The following PAMR1 variants were observed in gnomAD, a reference collection of about 807,000 sequenced individuals.
PAMR1 encodes inactive serine protease PAMR1.
Under a neutral mutation model 81.8 loss-of-function variants are expected in PAMR1, and 88 were observed. That is an observed-to-expected ratio of 1.08 (90% CI 0.91 to 1.28). The LOEUF is 1.28. Among genes scored for constraint, PAMR1 ranks in the 50% most tolerant of loss-of-function variants. The pLI is 0.00. For synonymous variants in PAMR1, 336 were observed against 345.3 expected (o/e 0.97, Z 0.30); for missense variants, 935 against 919.7 (o/e 1.02, Z -0.21).
chr11:35,474,360 A>G (rs1042846101), intron 4 of PAMR1, among the ~76,000 whole-genome samples: 1 of 152,208 alleles, frequency 6.6e-6, no homozygotes, highest in African/African-American at 2.4e-5. Flanking sequence ...ACTGTTTAAG[A>G]TTTGCGGATG....
At chr11:35,463,986 C>T (rs1286225110) in intron 6 of PAMR1, among the ~76,000 whole-genome samples, 6 of 152,178 alleles carry the variant, frequency 3.9e-5, no homozygotes, top group Non-Finnish European at 8.8e-5. Context: ...ATGCAGGTCC[C>T]AAGTCTTATT....
chr11:35,436,174 G>T, intron 8 of PAMR1, 39 bp from the exon 9 acceptor site: 3 of 1,370,552 alleles, frequency 2.2e-6, no homozygotes, highest in South Asian at 1.2e-5. Context: ...AGAGCAGGGT[G>T]AGAGAAAGTC....
intron 5 of PAMR1, among the ~76,000 whole-genome samples, chr11:35,469,910 G>A (rs986720502): frequency 6.6e-6 from 1 of 151,998 alleles, no homozygotes; most frequent in South Asian, 2.1e-4. Context: ...TAAGCATTTT[G>A]TTCAGTTTGG....
chr11:35,491,434 T>G (rs1310164175), intron 3 of PAMR1, among the ~76,000 whole-genome samples: 2 of 152,194 alleles, frequency 1.3e-5, no homozygotes, highest in Non-Finnish European at 2.9e-5. Flanking sequence ...GTACATTGCT[T>G]GAGATACAGA....
chr11:35,490,935 G>C (rs796332839), intron 3 of PAMR1, among the ~76,000 whole-genome samples: 1 of 152,162 alleles, frequency 6.6e-6, no homozygotes, highest in South Asian at 2.1e-4. Context: ...TTTCATTCTA[G>C]AGCTTGTATT....
At chr11:35,458,568 G>A (rs532396857) in intron 6 of PAMR1, among the ~76,000 whole-genome samples, 1 of 152,280 alleles carries the variant, frequency 6.6e-6, no homozygotes, top group Non-Finnish European at 1.5e-5. Context: ...AAGATTATCT[G>A]AGAGTTCCAG....
At position 35,474,649 on chromosome 11, in the gene PAMR1, C is replaced by T. The variant is rs957317013; in HGVS notation, c.475G>A (p.Gly159Arg). ...HCEWTIHAKPGFVIQLRFVML... is the reference protein window; with the variant it reads ...HCEWTIHAKPRFVIQLRFVML... ...CCTTACCTTAGTTGGATGACAAACC[C>T]AGGTTTAGCATGAATGGTCCATTCA... is the stretch of plus-strand genomic sequence containing the variant. The change falls in exon 4 of 11, where the codon GGG (glycine) becomes AGG (arginine). Residue 159 changes from glycine (G) to arginine (R), a missense_variant. Coordinates refer to ENST00000619888, the MANE Select transcript of PAMR1 (RefSeq NM_001001991.3). 3 of 1,600,154 alleles carry T rather than the reference C, an allele frequency of 1.9e-6. No individual in the cohort carries two copies. Among genetic ancestry groups the T allele is most frequent in the African/African-American group, 1.3e-5 (1 of 74,140 alleles).
chr11:35,479,149 G>T (rs1184529510), intron 3 of PAMR1, among the ~76,000 whole-genome samples: 1 of 152,180 alleles, frequency 6.6e-6, no homozygotes, highest in African/African-American at 2.4e-5. Context: ...ACACTTCTAA[G>T]AAGTGGTTGG....
Position 35,518,308 on chromosome 11 carries a change from T to C in PAMR1, c.73+7205A>G, listed in dbSNP as rs577914254. 1.8e-4 allele frequency among the ~76,000 whole-genome samples: 27 copies of C among 152,048 alleles called. No homozygotes were observed. In the South Asian group the frequency reaches 2.1e-3, roughly 12 times the overall value. ...CAGGTAGAAGCTAAGCCCAGGCAACTTGTCTTAGGACATTTCAGGTGTTCT... is the reference window on the plus strand; with the variant it reads ...CAGGTAGAAGCTAAGCCCAGGCAACCTGTCTTAGGACATTTCAGGTGTTCT... On this transcript the variant is annotated intron_variant, in intron 1 of 10. Coordinates refer to ENST00000619888, the MANE Select transcript of PAMR1 (RefSeq NM_001001991.3).
chr11:35,435,583 A>T (rs1208440616), intron 9 of PAMR1, among the ~76,000 whole-genome samples: 1 of 152,136 alleles, frequency 6.6e-6, no homozygotes, highest in African/African-American at 2.4e-5. Context: ...GGGCTTAAAC[A>T]GGGTAGCCAA....
chr11:35,476,803 G>C (rs1477205547), intron 3 of PAMR1, among the ~76,000 whole-genome samples: 1 of 151,946 alleles, frequency 6.6e-6, no homozygotes, highest in African/African-American at 2.4e-5. Flanking sequence ...GCTCTGCCTT[G>C]CTGGCTGCCT....
chr11:35,519,226 T>C (rs1006877121), intron 1 of PAMR1, among the ~76,000 whole-genome samples: 7 of 152,200 alleles, frequency 4.6e-5, no homozygotes, highest in Non-Finnish European at 1.0e-4. Context: ...AAGGTTGAGA[T>C]GAATTGGTTA....
intron 1 of PAMR1, among the ~76,000 whole-genome samples, chr11:35,503,995 T>C (rs1432080397): frequency 6.6e-6 from 1 of 152,186 alleles, no homozygotes; most frequent in African/African-American, 2.4e-5. Context: ...TTAAATATGA[T>C]ATTGGCTGTT....
At chr11:35,488,784 G>A (rs1850561497) in intron 3 of PAMR1, among the ~76,000 whole-genome samples, 1 of 147,270 alleles carries the variant, frequency 6.8e-6, no homozygotes, top group African/African-American at 2.5e-5. Flanking sequence ...TGTTGCTCAG[G>A]CTGGTCTCGA....
intron 1 of PAMR1, among the ~76,000 whole-genome samples, chr11:35,518,654 T>C (rs915723457): frequency 5.7e-4 from 87 of 151,632 alleles, no homozygotes; most frequent in Admixed American, 5.6e-3. Flanking sequence ...TTTTCCCTTA[T>C]ACCATCCAGT....
At chr11:35,491,550 A>G (rs1850626346) in intron 3 of PAMR1, among the ~76,000 whole-genome samples, 1 of 152,202 alleles carries the variant, frequency 6.6e-6, no homozygotes, top group Non-Finnish European at 1.5e-5. Flanking sequence ...AAACTCACAG[A>G]ACTCTAATAA....
chr11:35,515,388 G>C (rs1851143338), intron 1 of PAMR1, among the ~76,000 whole-genome samples: 1 of 152,212 alleles, frequency 6.6e-6, no homozygotes, highest in African/African-American at 2.4e-5. Context: ...GTTGAGCCAG[G>C]GTGATGCATT....
At chr11:35,465,734 A>G (rs144841372) in intron 6 of PAMR1, among the ~76,000 whole-genome samples, 1 of 152,320 alleles carries the variant, frequency 6.6e-6, no homozygotes, top group Non-Finnish European at 1.5e-5. Context: ...CACTATAACT[A>G]CATGTTACTA....
At chr11:35,465,561 TG>T (rs958297455) in intron 6 of PAMR1, among the ~76,000 whole-genome samples, 2 of 152,234 alleles carry the variant, frequency 1.3e-5, no homozygotes, top group African/African-American at 4.8e-5. Flanking sequence ...AGCCATTTTT[TG>T]TGACGTGTCC....
Sources: gnomAD v4.1 joint callset for allele counts (sites outside exome capture counted in the v4.1 genomes callset) on GRCh38, gnomAD v4.1.1 for gene constraint, MANE v1.5 for transcripts, NCBI Gene and HGNC (gene_info 2026-07-23, HGNC 2026-07-21) for gene names.